RAPGEF2: variants seen among roughly 807,000 people sequenced by gnomAD.
RAPGEF2 encodes Rap guanine nucleotide exchange factor 2.
A neutral mutation model predicts 186.7 loss-of-function variants in RAPGEF2; 54 were observed. That is an observed-to-expected ratio of 0.29 (90% CI 0.23 to 0.36). RAPGEF2 has a LOEUF of 0.36. Ranked by LOEUF, RAPGEF2 falls within the 10% of genes least tolerant of loss-of-function variation. The pLI is 1.00. For missense variants in RAPGEF2, 1,532 were observed against 2,045.0 expected (o/e 0.75, Z 4.84); for synonymous variants, 712 against 705.9 (o/e 1.01, Z -0.14).
rs1015924386 is a variant in RAPGEF2 at position 159,103,829 on chromosome 4, G to C, written c.-334G>C. ...CCCCCGAGTGGAGCCGGGGAGGCGT[G>C]TCGAGCCAGGGCCGGAGGAAGCCGG... On this transcript the variant is annotated 5_prime_UTR_variant, in exon 1 of 30. Coordinates refer to ENST00000691494, the MANE Select transcript of RAPGEF2 (RefSeq NM_001394067.2). The C allele has an allele frequency of 6.5e-6, 1 of 153,308 alleles. No homozygotes were observed. Among genetic ancestry groups the C allele is most frequent in the Non-Finnish European group, 1.4e-5 (1 of 69,024 alleles). The allele number at this position is 153,308 out of a possible 1,614,324, so 9.5% of individuals were successfully genotyped here.
At chr4:159,295,718 TGA>T (rs1308452252) in intron 7 of RAPGEF2, among the ~76,000 whole-genome samples, 7 of 102,464 alleles carry the variant, frequency 6.8e-5, no homozygotes, top group Admixed American at 1.1e-4. Context: ...AGAGAGTGTG[TGA>T]GTGTGTGTGT....
At chr4:159,356,745 A>G (rs924602850) in intron 29 of RAPGEF2, among the ~76,000 whole-genome samples, 9 of 152,008 alleles carry the variant, frequency 5.9e-5, no homozygotes, top group African/African-American at 2.2e-4. Context: ...TACTAAAAAT[A>G]CAAAAATTAG....
intron 7 of RAPGEF2, among the ~76,000 whole-genome samples, chr4:159,291,652 C>T (rs926430622): frequency 3.3e-5 from 5 of 152,156 alleles, no homozygotes; most frequent in Admixed American, 2.0e-4. Context: ...AGAAGCCACA[C>T]AGTACATAAA....
rs906403360 is a variant in RAPGEF2 at position 159,351,093 on chromosome 4, C to T, written c.3865+804C>T. On this transcript the variant is annotated intron_variant, in intron 26 of 29. Transcript: ENST00000691494. ...GCAATCAGCTGAGATCTTTTGGCTC[C>T]GGGCAGTTGGACTTAACCAGTTCCT... The T allele has an allele frequency of 6.3e-5, 96 of 1,534,352 alleles. No homozygotes were observed. The African/African-American group carries it at 1.1e-3, about 18-fold the overall frequency.
At chr4:159,208,993 C>T (rs775028116) in intron 3 of RAPGEF2, among the ~76,000 whole-genome samples, 45 of 151,908 alleles carry the variant, frequency 3.0e-4, no homozygotes, top group African/African-American at 9.2e-4. Context: ...CGGGTTCAAG[C>T]GATTCTCCTG....
intron 7 of RAPGEF2, among the ~76,000 whole-genome samples, chr4:159,293,978 C>T (rs760493405): frequency 4.6e-5 from 7 of 152,138 alleles, no homozygotes; most frequent in Admixed American, 1.3e-4. Context: ...TTGGCACTTA[C>T]GTAACCGGAA....
At chr4:159,128,547 G>A (rs1027672880) in intron 1 of RAPGEF2, among the ~76,000 whole-genome samples, 2 of 151,210 alleles carry the variant, frequency 1.3e-5, no homozygotes, top group East Asian at 3.9e-4. Context: ...CATTTGGCTA[G>A]TAGTTTATTC....
chr4:159,216,884 TATAATG>T (rs555665811), intron 4 of RAPGEF2, among the ~76,000 whole-genome samples: 291 of 152,332 alleles, frequency 1.9e-3, no homozygotes, highest in Admixed American at 4.2e-3. Flanking sequence ...AGCTGGCAGT[TATAATG>T]AGAATAAGTG....
intron 1 of RAPGEF2, among the ~76,000 whole-genome samples, chr4:159,142,521 T>A (rs919122612): frequency 2.0e-5 from 3 of 151,946 alleles, no homozygotes; most frequent in Admixed American, 6.6e-5. Flanking sequence ...TGGTTTTTTT[T>A]TTTTTATATG....
chr4:159,279,018 C>T (rs934796979), intron 7 of RAPGEF2, among the ~76,000 whole-genome samples: 1 of 152,126 alleles, frequency 6.6e-6, no homozygotes, highest in Non-Finnish European at 1.5e-5. Flanking sequence ...CCTTTTCCAT[C>T]CCCTACGGTT....
chr4:159,111,920 G>A (rs185237670), intron 1 of RAPGEF2, among the ~76,000 whole-genome samples: 1 of 152,254 alleles, frequency 6.6e-6, no homozygotes, highest in African/African-American at 2.4e-5. Flanking sequence ...TGACATCAGT[G>A]CAATCAAGAA....
chr4:159,223,869 C>T (rs966085050), intron 4 of RAPGEF2, among the ~76,000 whole-genome samples: 1 of 152,010 alleles, frequency 6.6e-6, no homozygotes, highest in Middle Eastern at 3.2e-3. Context: ...ATAAGATATT[C>T]CAGATTTTAT....
At position 159,355,866 on chromosome 4, in the gene RAPGEF2, C is replaced by T. The variant is rs1204101347; in HGVS notation, c.4665C>T (p.Gly1555=). Residue 1555 remains glycine (G), a synonymous_variant, in exon 29 of 30, where the codon GGC becomes GGT. Transcript: ENST00000691494. The part of the protein sequence containing the change: ...TTKGLIARKE[G]RYREPPPTPP... ...TTTCTACTCTAGCACGAAAGGAGGG[C>T]AGGTATCGAGAGCCCCCGCCCACCC... 3.2e-6 allele frequency: 5 copies of T among 1,547,424 alleles called. No individual in the cohort carries two copies. Among genetic ancestry groups the T allele is most frequent in the Non-Finnish European group, 4.4e-6 (5 of 1,144,590 alleles).
At position 159,257,295 on chromosome 4, in the gene RAPGEF2, C is replaced by G. The variant is rs116657849; in HGVS notation, c.543+13504C>G. Among the ~76,000 whole-genome samples the G allele has an allele frequency of 3.5e-3, 540 of 152,280 alleles. 4 individuals are homozygous for G. The highest frequency in any genetic ancestry group is 0.012 in the African/African-American group (515 of 41,566). On this transcript the variant is annotated intron_variant, in intron 7 of 29. Coordinates refer to ENST00000691494, the MANE Select transcript of RAPGEF2 (RefSeq NM_001394067.2). ...TATTTAATTGGACTCACAGTGCCACCTGGCTGGGGAAACCTCACAATCATG... is the reference window on the plus strand; with the variant it reads ...TATTTAATTGGACTCACAGTGCCACGTGGCTGGGGAAACCTCACAATCATG...
chr4:159,194,573 T>C (rs1420505923), intron 3 of RAPGEF2, among the ~76,000 whole-genome samples: 2 of 152,178 alleles, frequency 1.3e-5, no homozygotes, highest in Admixed American at 6.5e-5. Flanking sequence ...TCCATAATTA[T>C]TATGATATGT....
intron 4 of RAPGEF2, among the ~76,000 whole-genome samples, chr4:159,237,759 G>A (rs1279047025): frequency 1.3e-5 from 2 of 148,836 alleles, no homozygotes; most frequent in African/African-American, 4.9e-5. Context: ...AGAACTTTGG[G>A]AGGCAGAGGA....
At chr4:159,204,177 T>A (rs1415374684) in intron 3 of RAPGEF2, among the ~76,000 whole-genome samples, 1 of 152,256 alleles carries the variant, frequency 6.6e-6, no homozygotes, top group Admixed American at 6.5e-5. Flanking sequence ...TGGAAGAAGA[T>A]GCTCAGGAAT....
intron 1 of RAPGEF2, among the ~76,000 whole-genome samples, chr4:159,122,918 T>C (rs545058484): frequency 6.6e-6 from 1 of 152,338 alleles, no homozygotes; most frequent in Non-Finnish European, 1.5e-5. Flanking sequence ...GATCTGCAAC[T>C]GCAGTTACCC....
intron 1 of RAPGEF2, among the ~76,000 whole-genome samples, chr4:159,108,040 T>C (rs1325270631): frequency 6.6e-6 from 1 of 152,198 alleles, no homozygotes; most frequent in Non-Finnish European, 1.5e-5. Flanking sequence ...AAAGAAATGA[T>C]TGGCCACAAG....
Sources: gnomAD v4.1 joint callset for allele counts (sites outside exome capture counted in the v4.1 genomes callset) on GRCh38, gnomAD v4.1.1 for gene constraint, MANE v1.5 for transcripts, NCBI Gene and HGNC (gene_info 2026-07-23, HGNC 2026-07-21) for gene names.